Variants in ARHGAP15 observed in about 807,000 individuals in gnomAD.
ARHGAP15 encodes the protein Rho GTPase activating protein 15.
Under a neutral mutation model 63.7 loss-of-function variants are expected in ARHGAP15, and 51 were observed. The observed-to-expected ratio is 0.80, with a 90% CI of 0.64 to 1.01. ARHGAP15 has a LOEUF of 1.01. Ranked by LOEUF, ARHGAP15 falls within the 50% of genes least tolerant of loss-of-function variation. ARHGAP15 has a pLI of 0.00. For missense variants in ARHGAP15, 560 were observed against 564.6 expected, an observed-to-expected ratio of 0.99 and a Z score of 0.08; for synonymous variants, 191 against 193.8, an observed-to-expected ratio of 0.99 and a Z score of 0.12.
intron 2 of ARHGAP15, among the ~76,000 whole-genome samples, chr2:143,180,082 C>T (rs1691175376): frequency 6.6e-6 from 1 of 152,098 alleles, no homozygotes; most frequent in East Asian, 1.9e-4. Flanking sequence ...TGAAATAAGT[C>T]CACAGTGAAG....
chr2:143,206,029 G>T (rs1409462489), intron 3 of ARHGAP15, among the ~76,000 whole-genome samples: 1 of 151,508 alleles, frequency 6.6e-6, no homozygotes, highest in African/African-American at 2.4e-5. Context: ...CCCAATTTAC[G>T]TTATTTATTA....
intron 9 of ARHGAP15, among the ~76,000 whole-genome samples, chr2:143,507,509 T>C (rs2104949034): frequency 6.6e-6 from 1 of 152,302 alleles, no homozygotes; most frequent in African/African-American, 2.4e-5. Flanking sequence ...GTTAAGGCCT[T>C]GGACTTCTTT....
chr2:143,451,905 A>G (rs1192908808), intron 8 of ARHGAP15, among the ~76,000 whole-genome samples: 1 of 151,978 alleles, frequency 6.6e-6, no homozygotes, highest in Non-Finnish European at 1.5e-5. Context: ...ACTTTGCACC[A>G]TTAGGAAAAT....
At chr2:143,378,531 C>G (rs1222832507) in intron 6 of ARHGAP15, among the ~76,000 whole-genome samples, 1 of 152,016 alleles carries the variant, frequency 6.6e-6, no homozygotes, top group Non-Finnish European at 1.5e-5. Context: ...GAGCTGTAGT[C>G]ACTCTTAATG....
At chr2:143,710,205 T>C (rs1165951711) in intron 13 of ARHGAP15, among the ~76,000 whole-genome samples, 1 of 152,216 alleles carries the variant, frequency 6.6e-6, no homozygotes, top group Non-Finnish European at 1.5e-5. Context: ...GTGAGTTGTT[T>C]GAAATAAGCC....
chr2:143,442,013 AAG>A (rs1199118793), intron 8 of ARHGAP15, among the ~76,000 whole-genome samples: 1 of 152,190 alleles, frequency 6.6e-6, no homozygotes, highest in Non-Finnish European at 1.5e-5. Flanking sequence ...AGACAACAGA[AAG>A]AAAAAACTTG....
At chr2:143,236,275 A>C in intron 5 of ARHGAP15, 1 of 232,842 alleles carries the variant, frequency 4.3e-6, no homozygotes, top group Admixed American at 5.6e-5. Flanking sequence ...CCATGACTAA[A>C]GTGTTAAAAA....
intron 13 of ARHGAP15, among the ~76,000 whole-genome samples, chr2:143,716,264 C>T (rs1214540620): frequency 3.3e-5 from 5 of 152,118 alleles, no homozygotes; most frequent in Non-Finnish European, 7.4e-5. Flanking sequence ...AGAGGCTGGC[C>T]ACACCAAGGG....
At chr2:143,268,300 AT>A (rs1681099993) in intron 6 of ARHGAP15, among the ~76,000 whole-genome samples, 1 of 152,148 alleles carries the variant, frequency 6.6e-6, no homozygotes, top group South Asian at 2.1e-4. Context: ...CCAAGTTGCA[AT>A]TAGCTGCCAC....
At position 143,587,578 on chromosome 2, in the gene ARHGAP15, C is replaced by G. The variant is rs1189378145; in HGVS notation, c.1003+31093C>G. Reference sequence around the variant, plus strand: ...CCTCTTTCTATTGAATTATTTCAAACAAATCAAATATATTATGTTTCCTGA... The same window carrying G: ...CCTCTTTCTATTGAATTATTTCAAAGAAATCAAATATATTATGTTTCCTGA... On this transcript the variant is annotated intron_variant, in intron 11 of 13. Transcript: ENST00000295095. 9.3e-6 allele frequency: 3 copies of G among 321,976 alleles called. No homozygotes were observed. The Admixed American group carries it at 1.2e-4, about 12-fold the overall frequency. 19.9% of individuals were successfully genotyped at this position (321,976 alleles called of 1,614,324 possible). A position where few individuals can be genotyped will look rare whatever the true frequency, so the allele number is the denominator to read the frequency against.
intron 8 of ARHGAP15, among the ~76,000 whole-genome samples, chr2:143,463,868 T>A (rs1206662580): frequency 6.6e-6 from 1 of 152,184 alleles, no homozygotes; most frequent in South Asian, 2.1e-4. Flanking sequence ...GTTGACATAT[T>A]AAAAAGCCAT....
chr2:143,193,682 T>G (rs1413263271), intron 2 of ARHGAP15, among the ~76,000 whole-genome samples: 1 of 151,928 alleles, frequency 6.6e-6, no homozygotes, highest in Non-Finnish European at 1.5e-5. Context: ...CCCACAAAGC[T>G]GTTAAAAGTG....
At chr2:143,623,861 G>A (rs949047126) in intron 11 of ARHGAP15, among the ~76,000 whole-genome samples, 1 of 152,164 alleles carries the variant, frequency 6.6e-6, no homozygotes, top group African/African-American at 2.4e-5. Context: ...ATGCATTATG[G>A]GAATAAACGT....
intron 6 of ARHGAP15, among the ~76,000 whole-genome samples, chr2:143,285,752 A>C (rs1325760651): frequency 6.6e-6 from 1 of 152,166 alleles, no homozygotes; most frequent in African/African-American, 2.4e-5. Context: ...CTATATTTAG[A>C]GTGAGATCTA....
chr2:143,282,542 A>G (rs910361081), intron 6 of ARHGAP15, among the ~76,000 whole-genome samples: 15 of 152,072 alleles, frequency 9.9e-5, no homozygotes, highest in African/African-American at 3.6e-4. Flanking sequence ...AGAACAGCAC[A>G]AGAAAGACCT....
At chr2:143,425,217 T>G (rs2105062812) in intron 6 of ARHGAP15, among the ~76,000 whole-genome samples, 1 of 152,232 alleles carries the variant, frequency 6.6e-6, no homozygotes, top group South Asian at 2.1e-4. Flanking sequence ...ATTCCAGATG[T>G]CTCCTTATTA....
intron 12 of ARHGAP15, among the ~76,000 whole-genome samples, chr2:143,684,331 G>C (rs1683231079): frequency 6.6e-6 from 1 of 152,166 alleles, no homozygotes; most frequent in Non-Finnish European, 1.5e-5. Context: ...CATTTGATTT[G>C]ATTCCAGTTT....
chr2:143,421,766 GTATATATATATATA>G (rs59677710), intron 6 of ARHGAP15, among the ~76,000 whole-genome samples: 92 of 109,066 alleles, frequency 8.4e-4, no homozygotes, highest in Admixed American at 5.6e-3. Flanking sequence ...TGCACATGGT[GTATATATATATATA>G]TATATATATA....
chr2:143,559,790 G>A (rs1265232374), intron 11 of ARHGAP15, among the ~76,000 whole-genome samples: 1 of 152,166 alleles, frequency 6.6e-6, no homozygotes, highest in Non-Finnish European at 1.5e-5. Context: ...ACAATAAACT[G>A]GCAATGCAGG....
Sources: gnomAD v4.1 joint callset for allele counts (sites outside exome capture counted in the v4.1 genomes callset) on GRCh38, gnomAD v4.1.1 for gene constraint, MANE v1.5 for transcripts, NCBI Gene and HGNC (gene_info 2026-07-23, HGNC 2026-07-21) for gene names.